ARL6: variants seen among roughly 807,000 people sequenced by gnomAD.
The protein encoded by ARL6 is ADP-ribosylation factor-like protein 6.
In ARL6, 18 loss-of-function variants were observed where a neutral mutation model predicts 27.1. The observed-to-expected ratio is 0.66, with a 90% CI of 0.46 to 0.98. The LOEUF (loss-of-function observed/expected upper bound fraction) is 0.98. ARL6 is among the 50% of genes least tolerant of loss of function. The pLI, the probability that ARL6 is intolerant of heterozygous loss-of-function variation, is 0.00. For missense variants in ARL6, 187 were observed against 214.9 expected, an observed-to-expected ratio of 0.87 and a Z score of 0.81; for synonymous variants, 65 against 72.3, an observed-to-expected ratio of 0.90 and a Z score of 0.51.
intron 1 of ARL6, 70 bp from the exon 2 acceptor site, chr3:97,768,011 A>T: frequency 7.3e-7 from 1 of 1,372,224 alleles, no homozygotes; most frequent in Non-Finnish European, 1.0e-6. Flanking sequence ...ACCTTTTTTT[A>T]ATACACCTAC....
chr3:97,766,721 A>T (rs899646069), intron 1 of ARL6: 3 of 152,256 alleles, frequency 2.0e-5, no homozygotes, highest in Admixed American at 2.0e-4. Context: ...GTATGGAATA[A>T]AAAGTATTGA....
chr3:97,787,336 T>TATAATAATATATAATATATATTATTAAC (rs1248349915), intron 5 of ARL6, among the ~76,000 whole-genome samples: 11 of 152,252 alleles, frequency 7.2e-5, no homozygotes, highest in South Asian at 6.2e-4. Flanking sequence ...GAAAATAATA[T>TATAATAATATATAATATATATTATTAAC]ATAATAATTA....
chr3:97,778,021 T>A (rs1378466927), intron 2 of ARL6, among the ~76,000 whole-genome samples: 1 of 152,166 alleles, frequency 6.6e-6, no homozygotes, highest in Non-Finnish European at 1.5e-5. Flanking sequence ...GGGTTGCTAT[T>A]TTAATATACA....
intron 7 of ARL6, among the ~76,000 whole-genome samples, chr3:97,795,591 C>G (rs1441204718): frequency 6.6e-6 from 1 of 152,092 alleles, no homozygotes; most frequent in African/African-American, 2.4e-5. Context: ...AATATTTGAT[C>G]AGTGTTGAAT....
At chr3:97,768,659 T>C (rs2036499319) in intron 2 of ARL6, among the ~76,000 whole-genome samples, 2 of 152,070 alleles carry the variant, frequency 1.3e-5, no homozygotes, top group Non-Finnish European at 2.9e-5. Flanking sequence ...TTGTAATAAC[T>C]GAAAAATATA....
At chr3:97,777,655 G>T (rs1278240028) in intron 2 of ARL6, among the ~76,000 whole-genome samples, 1 of 152,060 alleles carries the variant, frequency 6.6e-6, no homozygotes, top group African/African-American at 2.4e-5. Flanking sequence ...TTTACTTTGT[G>T]CCATTCCCTG....
intron 3 of ARL6, 26 bp from the exon 4 acceptor site, chr3:97,780,589 T>C (rs1213426754): frequency 6.4e-7 from 1 of 1,566,522 alleles, no homozygotes; most frequent in Non-Finnish European, 8.8e-7. Context: ...GTTTATAATG[T>C]AGTCATGTTT....
chr3:97,781,862 A>T (rs1427734004), intron 4 of ARL6, among the ~76,000 whole-genome samples: 1 of 152,088 alleles, frequency 6.6e-6, no homozygotes, highest in Non-Finnish European at 1.5e-5. Context: ...CTGCCTTGAA[A>T]TGGTATGTGA....
intron 4 of ARL6, 147 bp downstream of exon 4, chr3:97,780,830 G>C (rs968745892): frequency 2.9e-6 from 2 of 678,132 alleles, no homozygotes; most frequent in Admixed American, 2.7e-5. Flanking sequence ...TATGTAATGA[G>C]ACTCAACATT....
intron 2 of ARL6, among the ~76,000 whole-genome samples, chr3:97,770,972 C>A (rs2107991629): frequency 6.6e-6 from 1 of 152,006 alleles, no homozygotes; most frequent in Middle Eastern, 3.4e-3. Context: ...CAACTTTGTA[C>A]TTTTTGTTCA....
At chr3:97,784,490 A>G (rs1250435963) in intron 4 of ARL6, among the ~76,000 whole-genome samples, 2 of 151,860 alleles carry the variant, frequency 1.3e-5, no homozygotes, top group Non-Finnish European at 3.0e-5. Context: ...TAAAAAAAAA[A>G]AAAATCAAGG....
chr3:97,772,614 T>C (rs2036690191), intron 2 of ARL6, among the ~76,000 whole-genome samples: 1 of 151,100 alleles, frequency 6.6e-6, no homozygotes, highest in African/African-American at 2.4e-5. Context: ...TTTGAAGGCT[T>C]GTTACTTTTT....
chr3:97,780,409 T>C (rs2037133438), intron 3 of ARL6, among the ~76,000 whole-genome samples, 189 bp downstream of exon 3: 1 of 152,204 alleles, frequency 6.6e-6, no homozygotes, highest in Non-Finnish European at 1.5e-5. Context: ...CTCTGATAAC[T>C]TCACTAGCAA....
At chr3:97,784,934 C>A (rs2037375847) in intron 4 of ARL6, 21 bp from the exon 5 acceptor site, 3 of 1,570,666 alleles carry the variant, frequency 1.9e-6, no homozygotes, top group Admixed American at 1.7e-5. Flanking sequence ...TTTAATTTTT[C>A]TTTTTCTTTA....
At chr3:97,794,379 A>G (rs2037896201) in intron 7 of ARL6, among the ~76,000 whole-genome samples, 1 of 151,664 alleles carries the variant, frequency 6.6e-6, no homozygotes, top group South Asian at 2.1e-4. Context: ...TGCCCAGCTA[A>G]TTTTTTGTAT....
At chr3:97,768,533 G>A (rs1310660744) in intron 2 of ARL6, among the ~76,000 whole-genome samples, 1 of 152,078 alleles carries the variant, frequency 6.6e-6, no homozygotes, top group Non-Finnish European at 1.5e-5. Context: ...GAGCAAAACA[G>A]AGAAAGGTGA....
intron 2 of ARL6, 70 bp from the exon 3 acceptor site, chr3:97,780,089 G>T: frequency 1.6e-6 from 2 of 1,257,988 alleles, no homozygotes; most frequent in Non-Finnish European, 2.3e-6. Context: ...TGAAAATCTG[G>T]ATACTTTAAC....
chr3:97,798,058 T>C lies in ARL6; in HGVS notation c.*9T>C. 2.5e-6 allele frequency: 4 copies of C among 1,612,810 alleles called. No individual in the cohort carries two copies. Among genetic ancestry groups the C allele is most frequent in the Non-Finnish European group, 2.5e-6 (3 of 1,179,022 alleles). On this transcript the variant is annotated 3_prime_UTR_variant, in exon 8 of 8. Transcript: ENST00000463745. The stretch of plus-strand genomic sequence containing the variant: ...AGACTGTGAAGACATGAAAAGATAA[T>C]AGTTGGAAACCTCAGCAATTTTCAA...
In ARL6 at chr3:97,780,616, T is replaced by C; in HGVS notation, c.187T>C (p.Leu63=). The part of the protein sequence containing the change: ...FSIEKFKSSS[L]SFTVFDMSGQ... ...GTCATGTTTTGCTTCTTTTTGTAGT[T>C]TGTCATTTACAGTGTTTGACATGTC... The change falls in exon 4 of 8, where the codon TTG becomes CTG. Residue 63 remains leucine (L), a splice_region_variant and synonymous_variant. Transcript: ENST00000463745. 6.2e-7 allele frequency: 1 copy of C among 1,612,698 alleles called. No homozygotes were observed. Among genetic ancestry groups the C allele is most frequent in the Non-Finnish European group, 8.5e-7 (1 of 1,178,944 alleles).
Sources: allele counts gnomAD v4.1 joint callset (sites outside exome capture counted in the v4.1 genomes callset), GRCh38; gene constraint gnomAD v4.1.1; transcripts MANE v1.5; gene names NCBI Gene and HGNC (gene_info 2026-07-23, HGNC 2026-07-21).